MOXD1: variants seen among roughly 807,000 people sequenced by gnomAD.
MOXD1 encodes the protein monooxygenase DBH like 1, also known as DBH-like monooxygenase protein 1.
Under a neutral mutation model 66.6 loss-of-function variants are expected in MOXD1, and 62 were observed. The ratio of observed to expected loss-of-function variants is 0.93; its 90% CI spans 0.76 to 1.15. The LOEUF is 1.15. Ranked by LOEUF, MOXD1 falls within the 50% of genes most tolerant of loss-of-function variation. MOXD1 has a pLI of 0.00. For missense variants in MOXD1, 847 were observed against 754.6 expected (o/e 1.12, Z -1.44); for synonymous variants, 303 against 281.9 (o/e 1.07, Z -0.75).
chr6:132,377,452 C>T (rs1187497309), intron 1 of MOXD1, among the ~76,000 whole-genome samples: 1 of 152,158 alleles, frequency 6.6e-6, no homozygotes, highest in Admixed American at 6.5e-5. Context: ...AATATGTTTC[C>T]AAAACCATTA....
chr6:132,323,795 A>C, intron 7 of MOXD1, 136 bp downstream of exon 7: 1 of 951,508 alleles, frequency 1.1e-6, no homozygotes. Flanking sequence ...AAGTCCTACT[A>C]AAATTGCGAT....
chr6:132,373,559 T>G (rs895376149), intron 2 of MOXD1, among the ~76,000 whole-genome samples: 51 of 152,248 alleles, frequency 3.3e-4, no homozygotes, highest in African/African-American at 1.1e-3. Context: ...CATACTACAG[T>G]TAATCTACAG....
intron 6 of MOXD1, among the ~76,000 whole-genome samples, chr6:132,324,483 G>A (rs1015532462): frequency 2.9e-4 from 44 of 151,942 alleles, no homozygotes; most frequent in African/African-American, 9.9e-4. Context: ...ATATTGTTTC[G>A]AGATGAAGTT....
At chr6:132,332,855 G>A (rs1775351735) in intron 4 of MOXD1, among the ~76,000 whole-genome samples, 1 of 152,088 alleles carries the variant, frequency 6.6e-6, no homozygotes, top group Non-Finnish European at 1.5e-5. Context: ...TTTAGCCAAG[G>A]CACCATCTGA....
chr6:132,355,130 C>T (rs1775887319), intron 4 of MOXD1, among the ~76,000 whole-genome samples: 2 of 152,168 alleles, frequency 1.3e-5, no homozygotes, highest in South Asian at 4.1e-4. Context: ...GGAGTCTGCA[C>T]ACCAGATTCG....
At position 132,328,467 on chromosome 6, in the gene MOXD1, T is replaced by C. The variant is rs774340967; in HGVS notation, c.791A>G (p.Asp264Gly). ...CACAGTTTCACAGGTGAGGAATGCA[T>C]CGGGCATGTTGGGGTGATAGCACTC... ...GHECYHPNMPDAFLTCETVIF... is the reference protein window; with the variant it reads ...GHECYHPNMPGAFLTCETVIF... Residue 264 changes from aspartate to glycine, a missense_variant, in exon 5 of 12, where the codon GAT (aspartate) becomes GGT (glycine). Physicochemically the swap from Asp to Gly is moderately conservative, Grantham distance 94. Coordinates refer to ENST00000367963, the MANE Select transcript of MOXD1 (RefSeq NM_015529.4). The C allele has an allele frequency of 6.2e-7, 1 of 1,614,122 alleles. No individual in the cohort carries two copies. Among genetic ancestry groups the C allele is most frequent in the East Asian group, 2.2e-5 (1 of 44,880 alleles).
At chr6:132,315,813 T>C in intron 9 of MOXD1, 36 bp from the exon 10 acceptor site, 1 of 1,602,498 alleles carries the variant, frequency 6.2e-7, no homozygotes, top group African/African-American at 1.3e-5. Flanking sequence ...AAGTATGTGT[T>C]CTACCAACTT....
intron 4 of MOXD1, among the ~76,000 whole-genome samples, chr6:132,337,778 C>T (rs976161014): frequency 6.6e-6 from 1 of 152,108 alleles, no homozygotes. Flanking sequence ...CTGTAAGGTA[C>T]CTTCTGTACC....
chr6:132,334,133 G>C (rs559908787), intron 4 of MOXD1, among the ~76,000 whole-genome samples: 76 of 152,298 alleles, frequency 5.0e-4, no homozygotes, highest in African/African-American at 1.8e-3. Flanking sequence ...CATAGCCCCT[G>C]CAGCACAAAG....
chr6:132,349,035 G>A (rs1206868597), intron 4 of MOXD1, among the ~76,000 whole-genome samples: 1 of 151,660 alleles, frequency 6.6e-6, no homozygotes, highest in Non-Finnish European at 1.5e-5. Context: ...GGTTACATAA[G>A]TAAGTTCTTT....
intron 4 of MOXD1, among the ~76,000 whole-genome samples, chr6:132,362,357 T>C (rs1776032335): frequency 6.6e-6 from 1 of 152,156 alleles, no homozygotes; most frequent in African/African-American, 2.4e-5. Context: ...ACTTCTCAGT[T>C]ATACAGATTT....
rs141413110 is a variant in MOXD1, at chr6:132,328,319, G to A, written c.843+96C>T. 6.5e-3 allele frequency: 9,558 copies of A among 1,474,748 alleles called. 44 individuals carry two copies. Among genetic ancestry groups the A allele is most frequent in the Non-Finnish European group, 7.6e-3 (8,320 of 1,090,062 alleles). The allele number at this position is 1,474,748 out of a possible 1,614,324, so 91.4% of individuals were successfully genotyped here. A position where few individuals can be genotyped will look rare whatever the true frequency, so the allele number is the denominator to read the frequency against. On this transcript the variant is annotated intron_variant, in intron 5 of 11. Transcript: ENST00000367963. Reference sequence around the variant, plus strand: ...AAGCCACCTTCATATCAAAAGTAGCGTTAAAGCTTTACTTCTAAGTATTAA... The same window carrying A: ...AAGCCACCTTCATATCAAAAGTAGCATTAAAGCTTTACTTCTAAGTATTAA...
At chr6:132,328,357 T>TTG (rs1250462291) in intron 5 of MOXD1, 58 bp downstream of exon 5, 1 of 1,578,390 alleles carries the variant, frequency 6.3e-7, no homozygotes, top group Non-Finnish European at 8.6e-7. Context: ...AGAATCATAT[T>TTG]TGTGGCGGGA....
At chr6:132,387,100 T>C (rs972147624) in intron 1 of MOXD1, among the ~76,000 whole-genome samples, 20 of 151,366 alleles carry the variant, frequency 1.3e-4, no homozygotes, top group African/African-American at 4.8e-4. Context: ...TATCCATATG[T>C]CCATTAAAAG....
rs1562299117 is a variant in MOXD1, at chr6:132,384,232, CCCTCCCTCT to C, written c.265-9464_265-9456del. 2.5e-5 allele frequency among the ~76,000 whole-genome samples: 3 copies of C among 119,514 alleles called. No individual in the cohort carries two copies. The East Asian group carries it at 6.8e-4, about 27-fold the overall frequency. 78.4% of individuals were successfully genotyped at this position (119,514 alleles called of 152,430 possible). ...CTTCCTTCCTTCCTCCTTCCTTCCTCCCTCCCTCTCTTCCTTCCTTCCTTCCTTCCTTCC... is the reference window on the plus strand; with the variant it reads ...CTTCCTTCCTTCCTCCTTCCTTCCTCCTTCCTTCCTTCCTTCCTTCCTTCC... On this transcript the variant is annotated intron_variant, in intron 1 of 11. Transcript: ENST00000367963.
intron 1 of MOXD1, among the ~76,000 whole-genome samples, chr6:132,396,619 A>G (rs1250810811): frequency 1.3e-5 from 2 of 152,122 alleles, no homozygotes; most frequent in Non-Finnish European, 2.9e-5. Flanking sequence ...AACAAACTTG[A>G]TAAACAACTT....
intron 6 of MOXD1, among the ~76,000 whole-genome samples, chr6:132,327,795 T>G (rs1775220054): frequency 6.6e-6 from 1 of 152,206 alleles, no homozygotes; most frequent in Non-Finnish European, 1.5e-5. Flanking sequence ...CTGCGTGTGC[T>G]CATTTACCTG....
intron 2 of MOXD1, 114 bp downstream of exon 2, chr6:132,374,517 T>C: frequency 9.4e-7 from 1 of 1,058,952 alleles, no homozygotes; most frequent in Non-Finnish European, 1.2e-6. Flanking sequence ...TCAAAAAAGA[T>C]TTCAAAAATA....
intron 4 of MOXD1, among the ~76,000 whole-genome samples, chr6:132,334,494 T>G (rs1182575390): frequency 6.6e-6 from 1 of 152,234 alleles, no homozygotes; most frequent in African/African-American, 2.4e-5. Flanking sequence ...ATCTGCTCCT[T>G]CTCATCCTCC....
Sources: allele counts gnomAD v4.1 joint callset (sites outside exome capture counted in the v4.1 genomes callset), GRCh38; gene constraint gnomAD v4.1.1; transcripts MANE v1.5; gene names NCBI Gene and HGNC (gene_info 2026-07-23, HGNC 2026-07-21).